The following DGKB variants were observed in gnomAD, a reference collection of about 807,000 sequenced individuals.
DGKB encodes the protein diacylglycerol kinase beta.
A neutral mutation model predicts 114.3 loss-of-function variants in DGKB; 67 were observed. That is an observed-to-expected ratio of 0.59 (90% CI 0.48 to 0.72). The LOEUF (loss-of-function observed/expected upper bound fraction) is 0.72. Among genes scored for constraint, DGKB ranks in the 30% least tolerant of loss-of-function variants. The probability of loss-of-function intolerance (pLI) is 0.00; values close to 1 mark genes in which losing one functional copy is unlikely to be tolerated. For missense variants in DGKB, 907 were observed against 975.2 expected (o/e 0.93, Z 0.93); for synonymous variants, 398 against 323.1 (o/e 1.23, Z -2.49).
In DGKB at chr7:14,146,317, C is replaced by T. The variant is rs1781473136; in HGVS notation, c.*2814G>A. 1 of 152,186 alleles carries T rather than the reference C, an allele frequency of 6.6e-6. No homozygotes were observed. Among genetic ancestry groups the T allele is most frequent in the African/African-American group, 2.4e-5 (1 of 41,454 alleles). The allele number at this position is 152,186 out of a possible 1,614,324, so 9.4% of individuals were successfully genotyped here. On this transcript the variant is annotated 3_prime_UTR_variant, in exon 26 of 26. Coordinates refer to ENST00000402815, the MANE Select transcript of DGKB (RefSeq NM_001350709.2). ...CTCTGGAATCTCATCAACTCAGTGC[C>T]TAGCAATGTTTAGCAGAGTGCATGT...
chr7:14,734,233 G>T (rs968617345), intron 5 of DGKB, among the ~76,000 whole-genome samples: 127 of 151,824 alleles, frequency 8.4e-4, no homozygotes, highest in Non-Finnish European at 1.4e-3. Context: ...TAGAGACGGG[G>T]TTTCACCATG....
At chr7:14,396,318 C>T (rs146111498) in intron 21 of DGKB, among the ~76,000 whole-genome samples, 222 of 152,154 alleles carry the variant, frequency 1.5e-3, no homozygotes, top group Admixed American at 5.6e-3. Context: ...AGTAGCCTAG[C>T]CTTGCATAGT....
chr7:14,867,828 T>C (rs971707292), intron 1 of DGKB, among the ~76,000 whole-genome samples: 4 of 152,138 alleles, frequency 2.6e-5, no homozygotes, highest in African/African-American at 7.2e-5. Context: ...ATGGATTCCT[T>C]AACCTATGTC....
intron 17 of DGKB, among the ~76,000 whole-genome samples, chr7:14,597,100 C>T (rs1802709823): frequency 2.6e-5 from 4 of 151,962 alleles, no homozygotes; most frequent in Non-Finnish European, 4.4e-5. Context: ...GACAGCTACT[C>T]GGGAGGCTGA....
intron 23 of DGKB, among the ~76,000 whole-genome samples, chr7:14,299,814 T>A (rs1051879335): frequency 1.3e-5 from 2 of 152,054 alleles, no homozygotes; most frequent in Non-Finnish European, 2.9e-5. Context: ...CCTTCACTCC[T>A]CATTTCTGAG....
intron 1 of DGKB, among the ~76,000 whole-genome samples, chr7:14,967,263 T>TC (rs1787208013): frequency 2.0e-5 from 3 of 152,136 alleles, no homozygotes; most frequent in Non-Finnish European, 4.4e-5. Flanking sequence ...AAACAAACTA[T>TC]TTCATTCACA....
intron 23 of DGKB, among the ~76,000 whole-genome samples, chr7:14,321,382 T>G (rs938155391): frequency 2.0e-5 from 3 of 152,052 alleles, no homozygotes; most frequent in Non-Finnish European, 4.4e-5. Context: ...AATAATTTTA[T>G]AAAAATCAAC....
chr7:14,577,297 A>G (rs1799269067), intron 19 of DGKB, among the ~76,000 whole-genome samples: 1 of 152,166 alleles, frequency 6.6e-6, no homozygotes, highest in Admixed American at 6.5e-5. Context: ...AAAATCACAT[A>G]AAGAAATGCA....
At chr7:14,286,139 G>A (rs1318523153) in intron 23 of DGKB, among the ~76,000 whole-genome samples, 1 of 151,924 alleles carries the variant, frequency 6.6e-6, no homozygotes, top group African/African-American at 2.4e-5. Flanking sequence ...CTCAACCAGC[G>A]GCTGTCTGTA....
At chr7:14,515,514 G>A (rs6970725) in intron 20 of DGKB, among the ~76,000 whole-genome samples, 9 of 152,078 alleles carry the variant, frequency 5.9e-5, no homozygotes, top group Non-Finnish European at 1.0e-4. Context: ...ATTAAACTAC[G>A]TTTTCATTTG....
At chr7:14,910,202 T>C (rs750976028) in intron 1 of DGKB, among the ~76,000 whole-genome samples, 7 of 148,576 alleles carry the variant, frequency 4.7e-5, no homozygotes, top group African/African-American at 2.5e-5. Context: ...GATTGCGTCA[T>C]TGCACTCCAG....
intron 21 of DGKB, among the ~76,000 whole-genome samples, chr7:14,351,165 A>G (rs1445285995): frequency 6.6e-6 from 1 of 152,232 alleles, no homozygotes; most frequent in African/African-American, 2.4e-5. Flanking sequence ...CATTTATGTC[A>G]TAGAATCAAT....
chr7:14,956,897 C>T (rs962485441), intron 1 of DGKB, among the ~76,000 whole-genome samples: 1 of 150,928 alleles, frequency 6.6e-6, no homozygotes, highest in Non-Finnish European at 1.5e-5. Flanking sequence ...TGAAGTTAAA[C>T]ATTCTTGTAG....
intron 20 of DGKB, among the ~76,000 whole-genome samples, chr7:14,531,117 C>A (rs930645467): frequency 1.3e-4 from 19 of 151,558 alleles, no homozygotes; most frequent in African/African-American, 4.6e-4. Flanking sequence ...CCTTAAAAAT[C>A]TGGTACACCA....
chr7:14,356,337 C>A (rs551357635), intron 21 of DGKB, among the ~76,000 whole-genome samples: 1 of 132,968 alleles, frequency 7.5e-6, no homozygotes, highest in East Asian at 2.2e-4. Context: ...TTTGTTTGCT[C>A]TTGCTTCTCT....
intron 1 of DGKB, among the ~76,000 whole-genome samples, chr7:14,877,152 T>G (rs1458693587): frequency 6.6e-6 from 1 of 152,224 alleles, no homozygotes; most frequent in Non-Finnish European, 1.5e-5. Flanking sequence ...ACATGTTGTC[T>G]CTCTTTTTAA....
intron 23 of DGKB, among the ~76,000 whole-genome samples, chr7:14,240,283 T>C (rs1402952061): frequency 6.6e-6 from 1 of 152,060 alleles, no homozygotes. Context: ...GTAAAATAAA[T>C]TTTGTACGAT....
At chr7:14,876,330 T>C (rs1294488413) in intron 1 of DGKB, among the ~76,000 whole-genome samples, 1 of 152,234 alleles carries the variant, frequency 6.6e-6, no homozygotes, top group Non-Finnish European at 1.5e-5. Flanking sequence ...GCTGCTACTC[T>C]CTGCCTAAGG....
intron 21 of DGKB, among the ~76,000 whole-genome samples, chr7:14,465,248 A>T (rs917541795): frequency 6.6e-6 from 1 of 152,152 alleles, no homozygotes; most frequent in African/African-American, 2.4e-5. Flanking sequence ...GATATTTCAT[A>T]TTAACATTAC....
Sources: allele counts gnomAD v4.1 joint callset (sites outside exome capture counted in the v4.1 genomes callset), GRCh38; gene constraint gnomAD v4.1.1; transcripts MANE v1.5; gene names NCBI Gene and HGNC (gene_info 2026-07-23, HGNC 2026-07-21).